Variants in DAZAP2 observed in about 807,000 individuals in gnomAD.
DAZAP2 encodes DAZ associated protein 2, also known as DAZ-associated protein 2.
DAZAP2 carries 3 observed loss-of-function variants against 16.2 expected under a neutral mutation model. The observed-to-expected ratio is 0.19, with a 90% CI of 0.08 to 0.48. The LOEUF is 0.48. DAZAP2 is among the 20% of genes least tolerant of loss of function. The pLI, the probability that DAZAP2 is intolerant of heterozygous loss-of-function variation, is 0.98. For synonymous variants in DAZAP2, 69 were observed against 77.6 expected, an observed-to-expected ratio of 0.89 and a Z score of 0.58; for missense variants, 172 against 215.9, an observed-to-expected ratio of 0.80 and a Z score of 1.27.
At chr12:51,239,071 C>T in intron 1 of DAZAP2, 151 bp downstream of exon 1, 1 of 1,091,940 alleles carries the variant, frequency 9.2e-7, no homozygotes, top group Non-Finnish European at 1.3e-6. Context: ...CGCCTGACGC[C>T]TTCGTCATAC....
downstream of DAZAP2, chr12:51,246,493 C>T: frequency 2.2e-6 from 1 of 446,086 alleles, no homozygotes; most frequent in Non-Finnish European, 4.0e-6. Flanking sequence ...ATATCCTCGT[C>T]CCTACCCACG....
intron 1 of DAZAP2, 171 bp downstream of exon 1, chr12:51,239,091 G>A (rs371144931): frequency 5.4e-6 from 5 of 932,134 alleles, no homozygotes; most frequent in Admixed American, 3.0e-5. Context: ...CCCAAATTAC[G>A]GCAGCTTGCT....
rs763153451 is a variant in DAZAP2 at position 51,238,862 on chromosome 12, AAAAT to A, written c.-43_-40del. 5 of 1,612,574 alleles carry A rather than the reference AAAAT, an allele frequency of 3.1e-6. No individual in the cohort carries two copies. Among genetic ancestry groups the A allele is most frequent in the Admixed American group, 1.7e-5 (1 of 60,000 alleles). On this transcript the variant is annotated 5_prime_UTR_variant, in exon 1 of 4. Transcript: ENST00000412716. Reference sequence around the variant, plus strand: ...AGCTCCGAACAGGAAGAGGACGAAAAAAATAACCGTCCGCGACGCCGAGACAAAC... The same window carrying A: ...AGCTCCGAACAGGAAGAGGACGAAAAAACCGTCCGCGACGCCGAGACAAAC...
intron 3 of DAZAP2, among the ~76,000 whole-genome samples, chr12:51,241,850 G>A (rs1378542199): frequency 1.3e-5 from 2 of 151,970 alleles, no homozygotes; most frequent in Admixed American, 6.6e-5. Context: ...GAACCTGGGA[G>A]GTGGAGGTTG....
Position 51,243,138 on chromosome 12 carries a change from G to C in DAZAP2, c.*680G>C. ...TACAGATGCCATTACTTCTGCTTTC[G>C]TATCTCCTCAGGCAAAAGTGGAGGG... On this transcript the variant is annotated 3_prime_UTR_variant, in exon 4 of 4. Transcript: ENST00000412716. 1.0e-6 allele frequency: 1 copy of C among 986,026 alleles called. No homozygotes were observed. The highest frequency in any genetic ancestry group is 1.2e-6 in the Non-Finnish European group (1 of 830,284). The allele number at this position is 986,026 out of a possible 1,614,324, so 61.1% of individuals were successfully genotyped here.
intron 2 of DAZAP2, 48 bp from the exon 3 acceptor site, chr12:51,240,823 T>C: frequency 6.3e-7 from 1 of 1,593,246 alleles, no homozygotes; most frequent in South Asian, 1.1e-5. Context: ...AGATCTCAAA[T>C]AGGAATGTCA....
chr12:51,240,650 C>T, intron 2 of DAZAP2, 189 bp downstream of exon 2: 1 of 852,178 alleles, frequency 1.2e-6, no homozygotes, highest in South Asian at 1.8e-5. Context: ...TGTTATTTGG[C>T]ACAGGCTAAG....
chr12:51,239,284 C>G (rs1944617533), intron 1 of DAZAP2: 1 of 267,916 alleles, frequency 3.7e-6, no homozygotes, highest in African/African-American at 2.3e-5. Flanking sequence ...CCAGCGGGGC[C>G]GAACTTAACT....
chr12:51,239,282 G>T lies in DAZAP2; in HGVS notation c.13+362G>T, dbSNP rs978042428. 2.6e-5 allele frequency: 7 copies of T among 274,478 alleles called. 1 individual carries two copies. The East Asian group carries it at 6.0e-4, about 23-fold the overall frequency. The allele number at this position is 274,478 out of a possible 1,614,324, so 17.0% of individuals were successfully genotyped here. A position where few individuals can be genotyped will look rare whatever the true frequency, so the allele number is the denominator to read the frequency against. On this transcript the variant is annotated intron_variant, in intron 1 of 3. Transcript: ENST00000412716. ...GCCGCGCTCCGGAACCCCCAGCGGG[G>T]CCGAACTTAACTACTGAATTGCTGG...
downstream of DAZAP2, among the ~76,000 whole-genome samples, chr12:51,244,225 G>A (rs1944733922): frequency 6.6e-6 from 1 of 152,106 alleles, no homozygotes. Flanking sequence ...TTGAGACAGG[G>A]TCTCCCTCTG....
intron 3 of DAZAP2, among the ~76,000 whole-genome samples, chr12:51,241,431 T>A (rs1352350119): frequency 1.3e-5 from 2 of 152,178 alleles, no homozygotes; most frequent in Admixed American, 6.5e-5. Context: ...ATTTACCATT[T>A]ACTTAATATT....
At chr12:51,241,766 C>A (rs1031868805) in intron 3 of DAZAP2, among the ~76,000 whole-genome samples, 18 of 151,874 alleles carry the variant, frequency 1.2e-4, no homozygotes, top group African/African-American at 3.9e-4. Context: ...ACTATAAATA[C>A]AAAAATTAGC....
At position 51,240,203 on chromosome 12, in the gene DAZAP2, TC is replaced by T. The variant is rs1242501389; in HGVS notation, c.14-138del. The T allele has an allele frequency of 8.6e-6, 6 of 695,152 alleles. No homozygotes were observed. The African/African-American group carries it at 1.1e-4, about 12-fold the overall frequency. 43.1% of individuals were successfully genotyped at this position (695,152 alleles called of 1,614,324 possible). A position where few individuals can be genotyped will look rare whatever the true frequency, so the allele number is the denominator to read the frequency against. On this transcript the variant is annotated intron_variant, in intron 1 of 3. Transcript: ENST00000412716. ...CAAAGACAATGCATATTTTCTTAGT[TC>T]CAGGAATCAGGCCCTCTGGGGCAGA...
At chr12:51,245,447 A>G (rs1420896184), downstream of DAZAP2, 2 of 153,230 alleles carry the variant, frequency 1.3e-5, no homozygotes, top group Non-Finnish European at 2.9e-5. Context: ...TAGGGGGTGT[A>G]GCACATTTAT....
Position 51,239,154 on chromosome 12 carries a change from C to A in DAZAP2, c.13+234C>A, listed in dbSNP as rs113642443. ...CTGTGGCGCAGTTTGGAGCTGCGGG[C>A]TCGGGTGGTGGGGGGGCTTGACATG... is the stretch of plus-strand genomic sequence containing the variant. On this transcript the variant is annotated intron_variant, in intron 1 of 3. Transcript: ENST00000412716. 9.2e-3 allele frequency: 5,173 copies of A among 564,398 alleles called. 236 individuals carry two copies. In the African/African-American group the frequency reaches 0.092, roughly 10 times the overall value. The allele number at this position is 564,398 out of a possible 1,614,324, so 35.0% of individuals were successfully genotyped here. A position where few individuals can be genotyped will look rare whatever the true frequency, so the allele number is the denominator to read the frequency against.
At chr12:51,246,551 AACCTGTCATTT>A (rs1323343469), downstream of DAZAP2, 6 of 472,786 alleles carry the variant, frequency 1.3e-5, no homozygotes, top group East Asian at 2.0e-4. Flanking sequence ...GCCACCTCCC[AACCTGTCATTT>A]ACTGGTAGTG....
At chr12:51,244,010 A>C (rs1470933622), downstream of DAZAP2, 3 of 774,680 alleles carry the variant, frequency 3.9e-6, no homozygotes, top group Non-Finnish European at 4.7e-6. Context: ...CAAATTTTGG[A>C]ATTTCGGACC....
Position 51,240,993 on chromosome 12 carries a change from C to T in DAZAP2, c.255C>T (p.Ser85=), listed in dbSNP as rs1944665180. ...CTGTGGCTGTTGGGCCTTTAGGTTC[C>T]ACAATCCCCATGGCTTATTATCCAG... is the stretch of plus-strand genomic sequence containing the variant. ...AQSVAVGPLG[S]TIPMAYYPVG... is the part of the protein sequence containing the mutation. Residue 85 remains serine (S), a synonymous_variant, in exon 3 of 4, where the codon TCC becomes TCT. Transcript: ENST00000412716. 2.5e-6 allele frequency: 4 copies of T among 1,614,186 alleles called. No homozygotes were observed. The highest frequency in any genetic ancestry group is 3.4e-6 in the Non-Finnish European group (4 of 1,180,038).
chr12:51,245,965 G>A (rs755109659), downstream of DAZAP2: 31 of 1,613,546 alleles, frequency 1.9e-5, no homozygotes, highest in Middle Eastern at 6.6e-4. Flanking sequence ...CCTCTTTCTC[G>A]CTGCCCTTGG....
Sources: gnomAD v4.1 joint callset for allele counts (sites outside exome capture counted in the v4.1 genomes callset) on GRCh38, gnomAD v4.1.1 for gene constraint, MANE v1.5 for transcripts, NCBI Gene and HGNC (gene_info 2026-07-23, HGNC 2026-07-21) for gene names.